The following NLRP9 variants were observed in gnomAD, a reference collection of about 807,000 sequenced individuals.
NLRP9 encodes the protein NLR family pyrin domain containing 9, also known as NACHT, LRR and PYD domains-containing protein 9.
Under a neutral mutation model 83.1 loss-of-function variants are expected in NLRP9, and 88 were observed. That is an observed-to-expected ratio of 1.06 (90% CI 0.89 to 1.26). The LOEUF is 1.26. Among genes scored for constraint, NLRP9 ranks in the 50% most tolerant of loss-of-function variants. NLRP9 has a pLI of 0.00. For missense variants in NLRP9, 1,308 were observed against 1,179.3 expected (o/e 1.11, Z -1.60); for synonymous variants, 521 against 447.6 (o/e 1.16, Z -2.07).
chr19:55,730,920 T>C (rs980376851), intron 2 of NLRP9, among the ~76,000 whole-genome samples: 2 of 151,884 alleles, frequency 1.3e-5, no homozygotes, highest in Non-Finnish European at 2.9e-5. Context: ...AACTTAAAAG[T>C]TGGAAATAAA....
chr19:55,729,729 T>C (rs1988514708), intron 3 of NLRP9, 102 bp downstream of exon 3: 2 of 896,536 alleles, frequency 2.2e-6, no homozygotes, highest in East Asian at 2.4e-5. Context: ...ACACACTGGA[T>C]TGCCGCTCTG....
intron 4 of NLRP9, among the ~76,000 whole-genome samples, chr19:55,721,241 G>C (rs1021141006): frequency 6.6e-6 from 1 of 152,064 alleles, no homozygotes; most frequent in African/African-American, 2.4e-5. Context: ...TTGGTATATG[G>C]GACTTCTCTG....
chr19:55,733,919 A>AAT (rs1555796186), intron 1 of NLRP9, among the ~76,000 whole-genome samples: 5 of 117,870 alleles, frequency 4.2e-5, no homozygotes, highest in African/African-American at 1.1e-4. Context: ...TGTCAACCAA[A>AAT]TTTTTTTTTT....
At chr19:55,721,010 G>A (rs955764661) in intron 4 of NLRP9, among the ~76,000 whole-genome samples, 1 of 152,218 alleles carries the variant, frequency 6.6e-6, no homozygotes, top group Non-Finnish European at 1.5e-5. Context: ...ACCCTTAAGT[G>A]TTGGGGAGAA....
chr19:55,712,593 G>C lies in NLRP9; in HGVS notation c.2502-3C>G, dbSNP rs78753019. ...AAGTAAGGAAACAGCCCATCAACCTGGGGAGGTGGAAGACACACAAATACG... is the reference window on the plus strand; with the variant it reads ...AAGTAAGGAAACAGCCCATCAACCTCGGGAGGTGGAAGACACACAAATACG... On this transcript the variant is annotated splice_polypyrimidine_tract_variant and splice_region_variant and intron_variant, in intron 6 of 8. Coordinates refer to ENST00000332836, the MANE Select transcript of NLRP9 (RefSeq NM_176820.4). 3.7e-6 allele frequency: 6 copies of C among 1,611,268 alleles called. No individual in the cohort carries two copies. Among genetic ancestry groups the C allele is most frequent in the Non-Finnish European group, 5.1e-6 (6 of 1,179,452 alleles).
At position 55,732,757 on chromosome 19, in the gene NLRP9, T is replaced by C. The variant is rs778101682; in HGVS notation, c.1074A>G (p.Glu358=). The change falls in exon 2 of 9, where the codon GAA becomes GAG. Residue 358 remains glutamate (E), a synonymous_variant. Transcript: ENST00000332836. ...AATAGGTGGTGTTTTGGGAGTTTAT[T>C]TCAAGGTCTTCTCCCCTCTCTAGCC... The part of the protein sequence containing the change: ...KQRLERGEDL[E]INSQNTTYLY... The C allele has an allele frequency of 6.2e-7, 1 of 1,614,182 alleles. No homozygotes were observed. The highest frequency in any genetic ancestry group is 1.1e-5 in the South Asian group (1 of 91,084).
intron 1 of NLRP9, among the ~76,000 whole-genome samples, chr19:55,736,695 G>A (rs770221217): frequency 7.9e-5 from 12 of 151,980 alleles, no homozygotes; most frequent in Non-Finnish European, 1.0e-4. Context: ...TTAGCTGGGC[G>A]TGGTGGTGCA....
chr19:55,713,961 G>A (rs1475267979), intron 6 of NLRP9, among the ~76,000 whole-genome samples: 1 of 132,474 alleles, frequency 7.5e-6, no homozygotes, highest in Non-Finnish European at 1.6e-5. Context: ...TGGGACAGCA[G>A]CCCCAACAAC....
chr19:55,711,367 C>A (rs993744314), intron 8 of NLRP9: 1 of 1,179,894 alleles, frequency 8.5e-7, no homozygotes, highest in East Asian at 6.4e-5. Flanking sequence ...ATTTTCAGAA[C>A]AACGTTAACT....
intron 8 of NLRP9, chr19:55,711,582 G>C (rs1297262875): frequency 5.4e-6 from 5 of 934,156 alleles, no homozygotes; most frequent in African/African-American, 3.3e-5. Context: ...ACTGAGGGAA[G>C]TGCTACTGGC....
intron 3 of NLRP9, among the ~76,000 whole-genome samples, chr19:55,725,032 C>A (rs936855600): frequency 6.6e-6 from 1 of 152,110 alleles, no homozygotes; most frequent in Non-Finnish European, 1.5e-5. Flanking sequence ...GCACTCCAGC[C>A]TGGGCAACAA....
At chr19:55,715,819 C>G (rs1987986750) in intron 5 of NLRP9, among the ~76,000 whole-genome samples, 1 of 152,208 alleles carries the variant, frequency 6.6e-6, no homozygotes, top group Non-Finnish European at 1.5e-5. Context: ...AGACCTAGGG[C>G]AAAAGTCACC....
chr19:55,723,032 A>G (rs1036329045), intron 4 of NLRP9, among the ~76,000 whole-genome samples: 16 of 152,260 alleles, frequency 1.1e-4, no homozygotes, highest in African/African-American at 3.1e-4. Flanking sequence ...GCATTAGGAG[A>G]TATACCTAAT....
At chr19:55,726,471 C>T (rs1426156049) in intron 3 of NLRP9, among the ~76,000 whole-genome samples, 1 of 152,138 alleles carries the variant, frequency 6.6e-6, no homozygotes. Flanking sequence ...TCCAATGCCT[C>T]CCCAGCGTTA....
intron 3 of NLRP9, among the ~76,000 whole-genome samples, chr19:55,727,742 T>C (rs1483552971): frequency 6.6e-6 from 1 of 152,170 alleles, no homozygotes; most frequent in Non-Finnish European, 1.5e-5. Context: ...CTACAAGGCT[T>C]TGTATTTTTC....
chr19:55,717,691 G>T (rs1988074941), intron 4 of NLRP9, among the ~76,000 whole-genome samples: 2 of 152,196 alleles, frequency 1.3e-5, no homozygotes, highest in African/African-American at 4.8e-5. Flanking sequence ...GCCGGAGACG[G>T]GAGGGCAGCT....
intron 4 of NLRP9, among the ~76,000 whole-genome samples, chr19:55,721,327 T>C (rs1010373761): frequency 6.6e-6 from 1 of 152,180 alleles, no homozygotes; most frequent in Non-Finnish European, 1.5e-5. Context: ...GTAAAATGGC[T>C]GATGTGGAGA....
In NLRP9 at chr19:55,710,121, T is replaced by C. The variant is rs887608473; in HGVS notation, c.2844-1077A>G. 2.6e-5 allele frequency among the ~76,000 whole-genome samples: 4 copies of C among 152,298 alleles called. No individual in the cohort carries two copies. The South Asian group carries it at 8.3e-4, about 32-fold the overall frequency. ...TTTCCTTTCAGCTACAGCGACACTATGAGAAAGTTACCCAGAAATAACTGC... is the reference window on the plus strand; with the variant it reads ...TTTCCTTTCAGCTACAGCGACACTACGAGAAAGTTACCCAGAAATAACTGC... On this transcript the variant is annotated intron_variant, in intron 8 of 8. Coordinates refer to ENST00000332836, the MANE Select transcript of NLRP9 (RefSeq NM_176820.4).
rs1438730960 is a variant in NLRP9 at position 55,716,736 on chromosome 19, C to T, written c.2322G>A (p.Glu774=). The T allele has an allele frequency of 1.9e-6, 3 of 1,613,658 alleles. No individual in the cohort carries two copies. Among genetic ancestry groups the T allele is most frequent in the African/African-American group, 1.3e-5 (1 of 74,944 alleles). The stretch of plus-strand genomic sequence containing the variant: ...CCCGCAGACCAACTTACATCAGCCT[C>T]TCCAGGGCACAGTGTGAGTGCTTCA... ...EALKHSHCAL[E]RLMLMYCCLT... is the part of the protein sequence containing the mutation. The change falls in exon 5 of 9, where the codon GAG becomes GAA. Residue 774 remains glutamate (E), a synonymous_variant. Coordinates refer to ENST00000332836, the MANE Select transcript of NLRP9 (RefSeq NM_176820.4).
Sources: gnomAD v4.1 joint callset for allele counts (sites outside exome capture counted in the v4.1 genomes callset) on GRCh38, gnomAD v4.1.1 for gene constraint, MANE v1.5 for transcripts, NCBI Gene and HGNC (gene_info 2026-07-23, HGNC 2026-07-21) for gene names.